Variants in PSIP1 observed in about 807,000 individuals in gnomAD.
PSIP1 encodes the protein PC4 and SFRS1-interacting protein.
PSIP1 carries 19 observed loss-of-function variants against 74.7 expected under a neutral mutation model. The ratio of observed to expected loss-of-function variants is 0.25; its 90% CI spans 0.18 to 0.37. The LOEUF is 0.37. Among genes scored for constraint, PSIP1 ranks in the 10% least tolerant of loss-of-function variants. The pLI, the probability that PSIP1 is intolerant of heterozygous loss-of-function variation, is 1.00. For missense variants in PSIP1, 601 were observed against 614.3 expected, an observed-to-expected ratio of 0.98 and a Z score of 0.23; for synonymous variants, 222 against 195.3, an observed-to-expected ratio of 1.14 and a Z score of -1.14.
chr9:15,486,810 G>C lies in PSIP1; in HGVS notation c.393+17C>G, dbSNP rs370826717. 6.5e-7 allele frequency: 1 copy of C among 1,543,400 alleles called. No individual in the cohort carries two copies. Among genetic ancestry groups the C allele is most frequent in the Non-Finnish European group, 8.9e-7 (1 of 1,125,550 alleles). On this transcript the variant is annotated intron_variant, in intron 5 of 15. Transcript: ENST00000380733. ...GAAACAAAATGGGTTTAAAATGTTA[G>C]GAGAAATAGAACATACCTCATTGCT...
At chr9:15,479,450 T>C (rs1159915156) in intron 7 of PSIP1, 141 bp downstream of exon 7, 2 of 556,088 alleles carry the variant, frequency 3.6e-6, no homozygotes, top group Non-Finnish European at 6.1e-6. Flanking sequence ...ACAAATCATG[T>C]TTATCTCCTT....
chr9:15,504,598 G>A (rs1390418499), intron 3 of PSIP1, among the ~76,000 whole-genome samples: 2 of 151,960 alleles, frequency 1.3e-5, no homozygotes, highest in Non-Finnish European at 2.9e-5. Context: ...TTAGCCTGGC[G>A]TGGTGGCAGG....
intron 3 of PSIP1, 128 bp downstream of exon 3, chr9:15,506,433 A>G: frequency 1.6e-6 from 1 of 609,146 alleles, no homozygotes; most frequent in East Asian, 2.6e-5. Flanking sequence ...AGACTTAAAG[A>G]CTCTTTCCAA....
At chr9:15,486,757 G>T in intron 5 of PSIP1, 70 bp downstream of exon 5, 1 of 1,073,274 alleles carries the variant, frequency 9.3e-7, no homozygotes, top group Non-Finnish European at 1.4e-6. Flanking sequence ...AATTAATCAT[G>T]GCCAACTCAT....
intron 3 of PSIP1, among the ~76,000 whole-genome samples, chr9:15,498,576 C>T (rs1209153215): frequency 1.3e-5 from 2 of 151,986 alleles, no homozygotes; most frequent in East Asian, 1.9e-4. Context: ...AGTTTTTCGA[C>T]GGACATCACT....
At chr9:15,488,448 G>A (rs575430853) in intron 4 of PSIP1, among the ~76,000 whole-genome samples, 38 of 152,118 alleles carry the variant, frequency 2.5e-4, no homozygotes, top group Admixed American at 6.6e-5. Context: ...TTAAACAGAG[G>A]ACGTTTATTG....
intron 4 of PSIP1, among the ~76,000 whole-genome samples, chr9:15,487,174 T>C (rs1587501463): frequency 6.6e-6 from 1 of 151,024 alleles, no homozygotes; most frequent in Non-Finnish European, 1.5e-5. Context: ...TACCCCAGCC[T>C]GGGCAACGCA....
chr9:15,485,789 G>A (rs960919943), intron 6 of PSIP1: 3 of 400,878 alleles, frequency 7.5e-6, no homozygotes, highest in Non-Finnish European at 8.8e-6. Flanking sequence ...GAAAACTGGT[G>A]TATTTTATTT....
rs991843217 is a variant in PSIP1 at position 15,464,647 on chromosome 9, T to C, written c.*873A>G. ...TAAGCATCATGATTTTTTCTTCCAA[T>C]TAAGTTTTAGTGACTTCCTAAAGAC... is the stretch of plus-strand genomic sequence containing the variant. On this transcript the variant is annotated 3_prime_UTR_variant, in exon 16 of 16. Coordinates refer to ENST00000380733, the MANE Select transcript of PSIP1 (RefSeq NM_033222.5). 5.0e-6 allele frequency: 1 copy of C among 198,742 alleles called. No homozygotes were observed. Among genetic ancestry groups the C allele is most frequent in the African/African-American group, 2.3e-5 (1 of 43,442 alleles). The allele number at this position is 198,742 out of a possible 1,614,324, so 12.3% of individuals were successfully genotyped here.
rs1195749840 is a variant in PSIP1, at chr9:15,502,342, G to A, written c.149+4219C>T. On this transcript the variant is annotated intron_variant, in intron 3 of 15. Coordinates refer to ENST00000380733, the MANE Select transcript of PSIP1 (RefSeq NM_033222.5). ...TTTTTCCCCCAAATATTTTCAATCTGTGACAGGATGACTCCATGGATACAG... is the reference window on the plus strand; with the variant it reads ...TTTTTCCCCCAAATATTTTCAATCTATGACAGGATGACTCCATGGATACAG... Among the ~76,000 whole-genome samples the A allele has an allele frequency of 2.0e-5, 3 of 152,086 alleles. No individual in the cohort carries two copies. In the South Asian group the frequency reaches 6.2e-4, roughly 32 times the overall value.
At chr9:15,492,417 A>G (rs917077264) in intron 3 of PSIP1, among the ~76,000 whole-genome samples, 7 of 152,220 alleles carry the variant, frequency 4.6e-5, no homozygotes. Flanking sequence ...TCAAATTCAG[A>G]TCATGCAAAT....
chr9:15,495,150 G>A (rs1443161125), intron 3 of PSIP1, among the ~76,000 whole-genome samples: 1 of 152,044 alleles, frequency 6.6e-6, no homozygotes, highest in Non-Finnish European at 1.5e-5. Flanking sequence ...CTCAAAATTG[G>A]GGTGACCAGG....
chr9:15,471,484 T>C, intron 10 of PSIP1: 3 of 967,740 alleles, frequency 3.1e-6, no homozygotes, highest in Non-Finnish European at 3.7e-6. Context: ...ATTTTATATC[T>C]TAATTTTGAG....
chr9:15,495,227 A>AT lies in PSIP1; in HGVS notation c.150-5104dup, dbSNP rs564937014. On this transcript the variant is annotated intron_variant, in intron 3 of 15. Transcript: ENST00000380733. ...AAATGTTTTAAAACCTCAAATATTTATTTTTTTTTAAAGATATGGCTCTAA... is the reference window on the plus strand; with the variant it reads ...AAATGTTTTAAAACCTCAAATATTTATTTTTTTTTTAAAGATATGGCTCTAA... Among the ~76,000 whole-genome samples, 187 of 151,660 alleles carry AT rather than the reference A, an allele frequency of 1.2e-3. 3 individuals carry two copies. In the South Asian group the frequency reaches 0.035, roughly 29 times the overall value.
intron 3 of PSIP1, among the ~76,000 whole-genome samples, chr9:15,499,533 G>T (rs1432131973): frequency 4.6e-5 from 7 of 151,964 alleles, no homozygotes; most frequent in Non-Finnish European, 7.4e-5. Flanking sequence ...ATACCCACAA[G>T]AACACACACA....
At chr9:15,495,538 T>C (rs1312208957) in intron 3 of PSIP1, among the ~76,000 whole-genome samples, 1 of 152,168 alleles carries the variant, frequency 6.6e-6, no homozygotes, top group Admixed American at 6.5e-5. Flanking sequence ...GGAACACTGA[T>C]ATTAAAGTGT....
chr9:15,483,325 A>G (rs1050323024), intron 6 of PSIP1, among the ~76,000 whole-genome samples: 1 of 152,122 alleles, frequency 6.6e-6, no homozygotes, highest in African/African-American at 2.4e-5. Flanking sequence ...TAAAGACCTT[A>G]GAGCCACCTT....
intron 6 of PSIP1, among the ~76,000 whole-genome samples, chr9:15,484,961 A>G (rs1329393362): frequency 6.6e-6 from 1 of 151,332 alleles, no homozygotes; most frequent in Non-Finnish European, 1.5e-5. Flanking sequence ...GCACACTTCT[A>G]CAGTCCCAGC....
intron 15 of PSIP1, 81 bp from the exon 16 acceptor site, chr9:15,465,661 AT>A: frequency 8.3e-7 from 1 of 1,205,104 alleles, no homozygotes; most frequent in Non-Finnish European, 1.2e-6. Context: ...TCTGCATTAT[AT>A]TTTTAAACCC....
Sources: allele counts gnomAD v4.1 joint callset (sites outside exome capture counted in the v4.1 genomes callset), GRCh38; gene constraint gnomAD v4.1.1; transcripts MANE v1.5; gene names NCBI Gene and HGNC (gene_info 2026-07-23, HGNC 2026-07-21).